Variants in CAP2 observed in about 807,000 individuals in gnomAD.
CAP2 encodes the protein adenylyl cyclase-associated protein 2.
Under a neutral mutation model 57.7 loss-of-function variants are expected in CAP2, and 24 were observed. The observed-to-expected ratio is 0.42, with a 90% CI of 0.30 to 0.58. The LOEUF (loss-of-function observed/expected upper bound fraction) is 0.58. Ranked by LOEUF, CAP2 falls within the 20% of genes least tolerant of loss-of-function variation. The pLI is 0.22. For missense variants in CAP2, 501 were observed against 590.3 expected (o/e 0.85, Z 1.57); for synonymous variants, 194 against 207.2 (o/e 0.94, Z 0.55).
chr6:17,450,558 G>C (rs1760376542), intron 3 of CAP2, among the ~76,000 whole-genome samples: 1 of 152,178 alleles, frequency 6.6e-6, no homozygotes, highest in Admixed American at 6.5e-5. Flanking sequence ...TCAGAGCTGT[G>C]CACTGATGTA....
At chr6:17,485,429 G>C (rs1461230097) in intron 4 of CAP2, among the ~76,000 whole-genome samples, 1 of 152,154 alleles carries the variant, frequency 6.6e-6, no homozygotes, top group African/African-American at 2.4e-5. Flanking sequence ...GGTGCCACCC[G>C]GCTTTCCCCA....
chr6:17,516,853 A>G (rs1762283549), intron 7 of CAP2, among the ~76,000 whole-genome samples: 1 of 152,198 alleles, frequency 6.6e-6, no homozygotes, highest in South Asian at 2.1e-4. Flanking sequence ...ACGACCCTTC[A>G]AGACTGATGT....
At chr6:17,526,518 C>CT (rs1306529787) in intron 7 of CAP2, among the ~76,000 whole-genome samples, 1 of 152,208 alleles carries the variant, frequency 6.6e-6, no homozygotes, top group African/African-American at 2.4e-5. Flanking sequence ...GCTCCTGTCC[C>CT]TTGTCACCCA....
rs1763335633 is a variant in CAP2, at chr6:17,557,257, G to A, written c.*815G>A. 4 of 152,214 alleles carry A rather than the reference G, an allele frequency of 2.6e-5. No individual in the cohort carries two copies. In the South Asian group the frequency reaches 8.3e-4, roughly 32 times the overall value. 9.4% of individuals were successfully genotyped at this position (152,214 alleles called of 1,614,324 possible). On this transcript the variant is annotated 3_prime_UTR_variant, in exon 13 of 13. Coordinates refer to ENST00000229922, the MANE Select transcript of CAP2 (RefSeq NM_006366.3). Reference sequence around the variant, plus strand: ...CCAAGTTTGAACATGTTAAATATCAGATGCCTTGTAAATTATGTCTTTAAC... The same window carrying A: ...CCAAGTTTGAACATGTTAAATATCAAATGCCTTGTAAATTATGTCTTTAAC...
At chr6:17,445,242 G>A (rs936013845) in intron 3 of CAP2, among the ~76,000 whole-genome samples, 1 of 152,212 alleles carries the variant, frequency 6.6e-6, no homozygotes, top group Non-Finnish European at 1.5e-5. Context: ...AAGTAGCTGA[G>A]ATTACAGGCA....
intron 11 of CAP2, among the ~76,000 whole-genome samples, chr6:17,543,668 G>T (rs1383640509): frequency 6.7e-6 from 1 of 149,542 alleles, no homozygotes; most frequent in East Asian, 2.0e-4. Context: ...GCTCCCCCAT[G>T]GCCACCTAAA....
chr6:17,401,079 C>T (rs890779417), intron 1 of CAP2, among the ~76,000 whole-genome samples: 2 of 152,068 alleles, frequency 1.3e-5, no homozygotes, highest in African/African-American at 2.4e-5. Context: ...ATCTTAGCTT[C>T]GAAGCTGCTG....
intron 4 of CAP2, among the ~76,000 whole-genome samples, chr6:17,479,228 C>A (rs1170912516): frequency 6.6e-6 from 1 of 152,272 alleles, no homozygotes; most frequent in South Asian, 2.1e-4. Flanking sequence ...TGTACACACA[C>A]GTCTGTACCA....
chr6:17,396,556 G>C (rs62393823), intron 1 of CAP2, among the ~76,000 whole-genome samples: 4,051 of 152,226 alleles, frequency 0.027, 66 homozygotes, highest in Non-Finnish European at 0.044. Flanking sequence ...AAAATATCAC[G>C]TACTGTATGA....
At chr6:17,478,298 T>C (rs894061316) in intron 4 of CAP2, among the ~76,000 whole-genome samples, 5 of 104,448 alleles carry the variant, frequency 4.8e-5, no homozygotes, top group African/African-American at 3.1e-4. Context: ...CTACACCTAC[T>C]TTTTTTTTTT....
chr6:17,418,819 G>C (rs1002191116), intron 1 of CAP2, among the ~76,000 whole-genome samples: 1 of 152,176 alleles, frequency 6.6e-6, no homozygotes, highest in African/African-American at 2.4e-5. Flanking sequence ...CCACCTACAG[G>C]ATACCCAGCT....
chr6:17,450,101 G>A (rs1304142190), intron 3 of CAP2, among the ~76,000 whole-genome samples: 1 of 151,278 alleles, frequency 6.6e-6, no homozygotes. Flanking sequence ...ACCCAGGCTG[G>A]AGTGCAGTGG....
intron 1 of CAP2, among the ~76,000 whole-genome samples, chr6:17,405,459 C>T (rs1405364640): frequency 5.9e-5 from 9 of 151,954 alleles, no homozygotes; most frequent in African/African-American, 2.2e-4. Flanking sequence ...ACTAGAACTT[C>T]ATTGCAATAT....
At chr6:17,529,592 G>A (rs896954655) in intron 7 of CAP2, among the ~76,000 whole-genome samples, 10 of 145,802 alleles carry the variant, frequency 6.9e-5, no homozygotes, top group African/African-American at 2.6e-4. Context: ...AGTGAGCCGA[G>A]ATCACGCCAC....
intron 3 of CAP2, among the ~76,000 whole-genome samples, chr6:17,435,781 G>A (rs1759865505): frequency 1.4e-5 from 2 of 139,954 alleles, no homozygotes; most frequent in Admixed American, 1.5e-4. Flanking sequence ...AGTCCATCTA[G>A]AGCTTCTTCA....
At chr6:17,465,637 G>A (rs997433068) in intron 4 of CAP2, among the ~76,000 whole-genome samples, 1 of 152,158 alleles carries the variant, frequency 6.6e-6, no homozygotes, top group African/African-American at 2.4e-5. Flanking sequence ...CAGTGGGGAT[G>A]GTACAGGCTC....
At chr6:17,468,164 C>T (rs1398235660) in intron 4 of CAP2, among the ~76,000 whole-genome samples, 1 of 151,964 alleles carries the variant, frequency 6.6e-6, no homozygotes, top group Non-Finnish European at 1.5e-5. Context: ...GGCCATAGAC[C>T]ACAATGTGCC....
chr6:17,502,530 C>T (rs1340582229), intron 4 of CAP2, among the ~76,000 whole-genome samples: 1 of 151,736 alleles, frequency 6.6e-6, no homozygotes, highest in Non-Finnish European at 1.5e-5. Flanking sequence ...TTAATGATGA[C>T]AATTCTTCAC....
intron 3 of CAP2, among the ~76,000 whole-genome samples, chr6:17,459,497 G>A (rs1561791304): frequency 6.6e-6 from 1 of 152,128 alleles, no homozygotes; most frequent in Non-Finnish European, 1.5e-5. Context: ...TCAGAAAGGA[G>A]GCTAGCATGC....
Sources: gnomAD v4.1 joint callset for allele counts (sites outside exome capture counted in the v4.1 genomes callset) on GRCh38, gnomAD v4.1.1 for gene constraint, MANE v1.5 for transcripts, NCBI Gene and HGNC (gene_info 2026-07-23, HGNC 2026-07-21) for gene names.